The following SIAH3 variants were observed in gnomAD, a reference collection of about 807,000 sequenced individuals.
SIAH3 encodes the protein siah E3 ubiquitin protein ligase family member 3.
Under a neutral mutation model 12.6 loss-of-function variants are expected in SIAH3, and 9 were observed. The ratio of observed to expected loss-of-function variants is 0.72; its 90% CI spans 0.43 to 1.25. The LOEUF is 1.25. Ranked by LOEUF, SIAH3 falls within the 50% of genes most tolerant of loss-of-function variation. The probability of loss-of-function intolerance (pLI) is 0.00; values close to 1 mark genes in which losing one functional copy is unlikely to be tolerated. For missense variants in SIAH3, 390 were observed against 365.4 expected, an observed-to-expected ratio of 1.07 and a Z score of -0.55; for synonymous variants, 154 against 151.1, an observed-to-expected ratio of 1.02 and a Z score of -0.14.
At chr13:45,843,034 CTG>C (rs55772614) in intron 1 of SIAH3, among the ~76,000 whole-genome samples, 23 of 139,208 alleles carry the variant, frequency 1.7e-4, no homozygotes, top group Admixed American at 4.5e-4. Context: ...CTCTCTCTCT[CTG>C]TGTGTGTGTG....
chr13:45,836,800 C>T (rs1950719445), intron 1 of SIAH3, among the ~76,000 whole-genome samples: 1 of 152,202 alleles, frequency 6.6e-6, no homozygotes, highest in South Asian at 2.1e-4. Context: ...AATCCTGCCT[C>T]AGTCAGTAAC....
chr13:45,801,906 G>T (rs1950583598), intron 1 of SIAH3, among the ~76,000 whole-genome samples: 1 of 152,214 alleles, frequency 6.6e-6, no homozygotes, highest in Non-Finnish European at 1.5e-5. Flanking sequence ...AATCCTGCCT[G>T]TCCATGCTGA....
intron 1 of SIAH3, among the ~76,000 whole-genome samples, chr13:45,845,965 C>A (rs956203658): frequency 2.0e-5 from 3 of 151,668 alleles, no homozygotes; most frequent in Non-Finnish European, 2.9e-5. Context: ...AGGAAGGGGA[C>A]CCTTGCAAGT....
chr13:45,839,912 A>T (rs1346183660), intron 1 of SIAH3, among the ~76,000 whole-genome samples: 2 of 152,188 alleles, frequency 1.3e-5, no homozygotes, highest in African/African-American at 4.8e-5. Context: ...AGAAGCTTCC[A>T]GACAACCAAT....
At chr13:45,833,843 G>T (rs1447770919) in intron 1 of SIAH3, among the ~76,000 whole-genome samples, 1 of 152,140 alleles carries the variant, frequency 6.6e-6, no homozygotes, top group African/African-American at 2.4e-5. Flanking sequence ...TGGCCTTCTT[G>T]CCCACAACCT....
At chr13:45,799,895 TG>T (rs1252161797) in intron 1 of SIAH3, among the ~76,000 whole-genome samples, 4 of 152,200 alleles carry the variant, frequency 2.6e-5, no homozygotes, top group African/African-American at 9.6e-5. Flanking sequence ...ATAAATCTTC[TG>T]GGGGGAAAAT....
intron 1 of SIAH3, among the ~76,000 whole-genome samples, chr13:45,834,704 C>T (rs2137579115): frequency 6.6e-6 from 1 of 152,206 alleles, no homozygotes; most frequent in Non-Finnish European, 1.5e-5. Flanking sequence ...TACTGTGGGC[C>T]AGAAGAGGGG....
At chr13:45,816,960 G>A (rs975830630) in intron 1 of SIAH3, among the ~76,000 whole-genome samples, 8 of 152,098 alleles carry the variant, frequency 5.3e-5, no homozygotes, top group Admixed American at 6.6e-5. Context: ...CCAGGCAATG[G>A]GATGCATCCT....
At chr13:45,847,695 G>C (rs1950765343) in intron 1 of SIAH3, among the ~76,000 whole-genome samples, 1 of 151,758 alleles carries the variant, frequency 6.6e-6, no homozygotes, top group African/African-American at 2.4e-5. Context: ...GGGTTGTCTG[G>C]GGTGGTGCAG....
At chr13:45,804,008 T>C (rs1950590952) in intron 1 of SIAH3, among the ~76,000 whole-genome samples, 1 of 152,154 alleles carries the variant, frequency 6.6e-6, no homozygotes, top group South Asian at 2.1e-4. Flanking sequence ...TATGTACAAT[T>C]ATACACTGAA....
At position 45,782,471 on chromosome 13, in the gene SIAH3, T is replaced by C. The variant is rs1566085045; in HGVS notation, c.*912A>G. ...TGCACCCTAGGGAGGAACTGATGGA[T>C]TTTATAACTTGATAATAAAACTCTC... On this transcript the variant is annotated 3_prime_UTR_variant, in exon 2 of 2. Transcript: ENST00000400405. The C allele has an allele frequency of 6.6e-6, 1 of 152,170 alleles. No individual in the cohort carries two copies. The highest frequency in any genetic ancestry group is 6.5e-5 in the Admixed American group (1 of 15,284). The allele number at this position is 152,170 out of a possible 1,614,324, so 9.4% of individuals were successfully genotyped here. A position where few individuals can be genotyped will look rare whatever the true frequency, so the allele number is the denominator to read the frequency against.
chr13:45,838,386 A>G (rs1206928540), intron 1 of SIAH3, among the ~76,000 whole-genome samples: 1 of 152,188 alleles, frequency 6.6e-6, no homozygotes, highest in African/African-American at 2.4e-5. Flanking sequence ...GAAGGGTCCA[A>G]CTGGCATTTA....
At chr13:45,786,341 A>G (rs1950527862) in intron 1 of SIAH3, among the ~76,000 whole-genome samples, 1 of 152,230 alleles carries the variant, frequency 6.6e-6, no homozygotes, top group Non-Finnish European at 1.5e-5. Flanking sequence ...CAGTCTTTAC[A>G]ACAATCAGGA....
intron 1 of SIAH3, among the ~76,000 whole-genome samples, chr13:45,810,398 G>A (rs1379310762): frequency 1.3e-5 from 2 of 152,152 alleles, no homozygotes; most frequent in Admixed American, 6.5e-5. Flanking sequence ...TAGTGCTGCC[G>A]CAAACCACTC....
rs931845636 is a variant in SIAH3, at chr13:45,783,210, G to A, written c.*173C>T. Reference sequence around the variant, plus strand: ...ATGTTTACATAATATAATGCCCATGGCAGACAAAAACTAAATCTCACAAAG... The same window carrying A: ...ATGTTTACATAATATAATGCCCATGACAGACAAAAACTAAATCTCACAAAG... On this transcript the variant is annotated 3_prime_UTR_variant, in exon 2 of 2. Coordinates refer to ENST00000400405, the MANE Select transcript of SIAH3 (RefSeq NM_198849.3). 6.5e-5 allele frequency: 26 copies of A among 400,760 alleles called. No individual in the cohort carries two copies. Among genetic ancestry groups the A allele is most frequent in the African/African-American group, 5.2e-4 (25 of 47,794 alleles). 24.8% of individuals were successfully genotyped at this position (400,760 alleles called of 1,614,324 possible).
chr13:45,844,205 C>A (rs1950750622), intron 1 of SIAH3, among the ~76,000 whole-genome samples: 1 of 152,076 alleles, frequency 6.6e-6, no homozygotes. Flanking sequence ...TTAAAAATAC[C>A]TGGAAATCTG....
rs1950781224 is a variant in SIAH3 at position 45,851,401 on chromosome 13, A to G, written c.135+94T>C. The stretch of plus-strand genomic sequence containing the variant: ...CCCAGCCCCCGAGACCCGGGTTTGC[A>G]AAGGGCTGCACACGTTCGCCGGAGG... On this transcript the variant is annotated intron_variant, in intron 1 of 1. Transcript: ENST00000400405. The G allele has an allele frequency of 5.2e-6, 8 of 1,539,630 alleles. No individual in the cohort carries two copies. The East Asian group carries it at 1.8e-4, about 35-fold the overall frequency.
At chr13:45,830,236 G>A (rs186059233) in intron 1 of SIAH3, among the ~76,000 whole-genome samples, 4 of 152,284 alleles carry the variant, frequency 2.6e-5, no homozygotes, top group Admixed American at 2.0e-4. Flanking sequence ...GATGTATGTG[G>A]CCACCTGAGC....
chr13:45,819,086 T>C (rs978845926), intron 1 of SIAH3, among the ~76,000 whole-genome samples: 1 of 152,044 alleles, frequency 6.6e-6, no homozygotes, highest in Non-Finnish European at 1.5e-5. Flanking sequence ...GGCTGCAGTG[T>C]GCTTGTGATG....
Sources: gnomAD v4.1 joint callset for allele counts (sites outside exome capture counted in the v4.1 genomes callset) on GRCh38, gnomAD v4.1.1 for gene constraint, MANE v1.5 for transcripts, NCBI Gene and HGNC (gene_info 2026-07-23, HGNC 2026-07-21) for gene names.